Variants in ALDH1A2 observed in about 807,000 individuals in gnomAD.
ALDH1A2 encodes the protein retinal dehydrogenase 2.
ALDH1A2 carries 27 observed loss-of-function variants against 60.3 expected under a neutral mutation model. The observed-to-expected ratio is 0.45, with a 90% CI of 0.33 to 0.62. The LOEUF is 0.62. ALDH1A2 is among the 20% of genes least tolerant of loss of function. The pLI is 0.02. For missense variants in ALDH1A2, 581 were observed against 643.8 expected, an observed-to-expected ratio of 0.90 and a Z score of 1.06; for synonymous variants, 289 against 232.4, an observed-to-expected ratio of 1.24 and a Z score of -2.21.
chr15:58,063,794 C>T (rs1383849779), intron 1 of ALDH1A2, among the ~76,000 whole-genome samples: 2 of 152,102 alleles, frequency 1.3e-5, no homozygotes, highest in Admixed American at 6.5e-5. Context: ...TATTTCATTT[C>T]TGATTGTTTT....
chr15:58,004,416 C>T (rs774910556), intron 4 of ALDH1A2, among the ~76,000 whole-genome samples: 1 of 151,748 alleles, frequency 6.6e-6, no homozygotes, highest in Non-Finnish European at 1.5e-5. Flanking sequence ...CTAGTGCGCC[C>T]ATCACCAGAA....
intron 7 of ALDH1A2, among the ~76,000 whole-genome samples, chr15:57,987,453 A>G (rs1267678245): frequency 1.3e-5 from 2 of 152,220 alleles, no homozygotes; most frequent in Non-Finnish European, 2.9e-5. Context: ...AAAGATAACA[A>G]TGATTGCTGT....
chr15:57,975,361 T>C (rs888627743), intron 7 of ALDH1A2, among the ~76,000 whole-genome samples: 1 of 152,248 alleles, frequency 6.6e-6, no homozygotes, highest in East Asian at 1.9e-4. Context: ...ATGTTCATCA[T>C]TGGCTGAATG....
intron 1 of ALDH1A2, among the ~76,000 whole-genome samples, chr15:58,021,870 G>A (rs1252762306): frequency 6.6e-6 from 1 of 152,248 alleles, no homozygotes; most frequent in African/African-American, 2.4e-5. Flanking sequence ...ACAAGTTGCT[G>A]CTGGAATTGG....
intron 1 of ALDH1A2, among the ~76,000 whole-genome samples, chr15:58,034,483 G>C (rs1349666295): frequency 2.0e-5 from 3 of 151,454 alleles, no homozygotes; most frequent in Non-Finnish European, 4.4e-5. Context: ...GCATTAACTA[G>C]AACTTCTAGT....
At chr15:57,997,149 G>A (rs1895091028) in intron 4 of ALDH1A2, among the ~76,000 whole-genome samples, 3 of 152,034 alleles carry the variant, frequency 2.0e-5, no homozygotes, top group Admixed American at 2.0e-4. Flanking sequence ...TAGCGAAGAT[G>A]TTGCAACTGT....
At chr15:58,022,272 T>A (rs1895948919) in intron 1 of ALDH1A2, among the ~76,000 whole-genome samples, 1 of 152,112 alleles carries the variant, frequency 6.6e-6, no homozygotes, top group South Asian at 2.1e-4. Flanking sequence ...CTTGGGTACC[T>A]GAACATTCCG....
At chr15:58,013,793 G>A (rs1461542225) in intron 3 of ALDH1A2, 65 bp downstream of exon 3, 17 of 1,588,236 alleles carry the variant, frequency 1.1e-5, no homozygotes, top group African/African-American at 6.8e-5. Flanking sequence ...TACAGCCGAA[G>A]AATGTAAATT....
chr15:57,992,560 C>G (rs1315803473), intron 7 of ALDH1A2, 145 bp downstream of exon 7: 1 of 776,460 alleles, frequency 1.3e-6, no homozygotes, highest in African/African-American at 1.7e-5. Context: ...CACCAGTGTT[C>G]TATGACACCA....
In ALDH1A2 at chr15:57,962,165, T is replaced by TTTC; in HGVS notation, c.1095_1097dup (p.Lys366dup). On this transcript the variant is annotated inframe_insertion, in exon 10 of 13. Coordinates refer to ENST00000249750, the MANE Select transcript of ALDH1A2 (RefSeq NM_003888.4). Reference sequence around the variant, plus strand: ...TGAGTTCCAAGATCTTGTTGTACTGTTTCTTATCAATCTGTGGGAGACAAG... The same window carrying TTTC: ...TGAGTTCCAAGATCTTGTTGTACTGTTTCTTCTTATCAATCTGTGGGAGACAAG... 1 of 1,614,176 alleles carries TTTC rather than the reference T, an allele frequency of 6.2e-7. No homozygotes were observed. The highest frequency in any genetic ancestry group is 2.2e-5 in the East Asian group (1 of 44,880).
At chr15:57,961,097 C>T in intron 11 of ALDH1A2, 40 bp downstream of exon 11, 2 of 1,610,906 alleles carry the variant, frequency 1.2e-6, no homozygotes, top group South Asian at 1.1e-5. Context: ...GGTCCCTATA[C>T]CACCAGTGGA....
At chr15:58,004,245 T>C (rs1471126042) in intron 4 of ALDH1A2, among the ~76,000 whole-genome samples, 1 of 151,858 alleles carries the variant, frequency 6.6e-6, no homozygotes, top group African/African-American at 2.4e-5. Flanking sequence ...GTGAAATCTA[T>C]CCTTTATGGG....
At chr15:58,007,071 G>A (rs1308608308) in intron 4 of ALDH1A2, among the ~76,000 whole-genome samples, 1 of 151,710 alleles carries the variant, frequency 6.6e-6, no homozygotes, top group Non-Finnish European at 1.5e-5. Flanking sequence ...ATCAGTTATA[G>A]TACTTCTGTC....
intron 4 of ALDH1A2, among the ~76,000 whole-genome samples, chr15:57,997,209 A>T (rs1895093095): frequency 1.3e-5 from 2 of 152,014 alleles, no homozygotes; most frequent in Admixed American, 1.3e-4. Context: ...CATCAAATTA[A>T]CTATTTAGCT....
At chr15:58,057,575 G>C (rs1896927357) in intron 1 of ALDH1A2, among the ~76,000 whole-genome samples, 1 of 152,156 alleles carries the variant, frequency 6.6e-6, no homozygotes. Flanking sequence ...TTTTCTGTAT[G>C]ATTAAAGCAA....
intron 1 of ALDH1A2, among the ~76,000 whole-genome samples, chr15:58,022,284 A>G (rs190660271): frequency 2.6e-5 from 4 of 152,246 alleles, no homozygotes; most frequent in Non-Finnish European, 4.4e-5. Context: ...AACATTCCGT[A>G]CAGGGTACTG....
At chr15:57,978,755 G>A (rs117694347) in intron 7 of ALDH1A2, among the ~76,000 whole-genome samples, 9,176 of 152,224 alleles carry the variant, frequency 0.06, 307 homozygotes, top group East Asian at 0.12. Flanking sequence ...CCTACTAAGG[G>A]GCCGGGCACG....
chr15:57,969,697 C>T (rs538536346), intron 7 of ALDH1A2, among the ~76,000 whole-genome samples: 50 of 152,246 alleles, frequency 3.3e-4, no homozygotes, highest in Non-Finnish European at 6.2e-4. Flanking sequence ...GGTAAACATA[C>T]AGTTTGAGAA....
chr15:58,040,804 T>C (rs569359384), intron 1 of ALDH1A2, among the ~76,000 whole-genome samples: 87 of 152,060 alleles, frequency 5.7e-4, no homozygotes, highest in African/African-American at 2.0e-3. Flanking sequence ...GTGCTTACTA[T>C]TTACAGGCTC....
Sources: allele counts gnomAD v4.1 joint callset (sites outside exome capture counted in the v4.1 genomes callset), GRCh38; gene constraint gnomAD v4.1.1; transcripts MANE v1.5; gene names NCBI Gene and HGNC (gene_info 2026-07-23, HGNC 2026-07-21).